TJAP1: variants seen among roughly 807,000 people sequenced by gnomAD.
TJAP1 encodes the protein tight junction-associated protein 1.
A neutral mutation model predicts 42.0 loss-of-function variants in TJAP1; 27 were observed. That is an observed-to-expected ratio of 0.64 (90% confidence interval 0.47 to 0.89). TJAP1 has a LOEUF of 0.89. Ranked by LOEUF, TJAP1 falls within the 40% of genes least tolerant of loss-of-function variation. The probability of loss-of-function intolerance (pLI) is 0.00; values close to 1 mark genes in which losing one functional copy is unlikely to be tolerated. For synonymous variants in TJAP1, 257 were observed against 288.4 expected, an observed-to-expected ratio of 0.89 and a Z score of 1.10; for missense variants, 712 against 726.9, an observed-to-expected ratio of 0.98 and a Z score of 0.24.
At chr6:43,503,568 C>T in intron 9 of TJAP1, 55 bp from the exon 10 acceptor site, 1 of 1,611,342 alleles carries the variant, frequency 6.2e-7, no homozygotes, top group African/African-American at 1.3e-5. Flanking sequence ...CCTGGCTCGG[C>T]CCTGCTTCCT....
chr6:43,480,023 G>C (rs1015193939), intron 2 of TJAP1, among the ~76,000 whole-genome samples: 3 of 152,070 alleles, frequency 2.0e-5, no homozygotes. Flanking sequence ...TTTGCCATTT[G>C]TAGCTCTGTG....
rs1257239821 is a variant in TJAP1, at chr6:43,495,437, T to A, written c.-121-2444T>A. On this transcript the variant is annotated intron_variant, in intron 2 of 10. Transcript: ENST00000372449. This position sits in a 1 kb window ranked among gnomAD's most constrained non-coding sequence, Gnocchi z 4.6. Reference sequence around the variant, plus strand: ...GATTTCAGAAGTTGGAGCTAGGGCCTGGGTGTTGGGCACACCCTGTGTTTA... The same window carrying A: ...GATTTCAGAAGTTGGAGCTAGGGCCAGGGTGTTGGGCACACCCTGTGTTTA... Among the ~76,000 whole-genome samples, 1 of 152,186 alleles carries A rather than the reference T, an allele frequency of 6.6e-6. No homozygotes were observed. The highest frequency in any genetic ancestry group is 1.5e-5 in the Non-Finnish European group (1 of 68,010).
rs111719725 is a variant in TJAP1, at chr6:43,496,411, C to T, written c.-121-1470C>T. Among the ~76,000 whole-genome samples the T allele has an allele frequency of 4.0e-4, 61 of 152,324 alleles. 1 individual carries two copies. Among genetic ancestry groups the T allele is most frequent in the Middle Eastern group, 3.4e-3 (1 of 294 alleles). ...TTGCTCCCCACACCCCGGGAATGTG[C>T]CGTCCTTTCAGGCCCGCCCACCCGG... is the stretch of plus-strand genomic sequence containing the variant. On this transcript the variant is annotated intron_variant, in intron 2 of 10. Coordinates refer to ENST00000372449, the Ensembl canonical transcript of TJAP1.
At chr6:43,480,524 C>CTT (rs924607917) in intron 2 of TJAP1, among the ~76,000 whole-genome samples, 1 of 147,890 alleles carries the variant, frequency 6.8e-6, no homozygotes, top group African/African-American at 2.5e-5. Context: ...TAATTTTTGA[C>CTT]TTTTTTTTTT....
chr6:43,498,665 G>A (rs1789801942), intron 3 of TJAP1, among the ~76,000 whole-genome samples: 1 of 152,256 alleles, frequency 6.6e-6, no homozygotes, highest in South Asian at 2.1e-4. Flanking sequence ...ACAAAGGAGA[G>A]TGGTAAGGAG....
At chr6:43,482,861 C>T (rs1562238041) in intron 2 of TJAP1, among the ~76,000 whole-genome samples, 3 of 152,026 alleles carry the variant, frequency 2.0e-5, no homozygotes, top group African/African-American at 4.8e-5. Flanking sequence ...TGGTGGCTCA[C>T]GCCTGTAATC....
At chr6:43,503,934 A>G in intron 10 of TJAP1, 1 of 697,778 alleles carries the variant, frequency 1.4e-6, no homozygotes, top group South Asian at 1.5e-5. Flanking sequence ...TTTCTGTAAC[A>G]GAGACAGAGA....
intron 1 of TJAP1, 42 bp downstream of exon 1, chr6:43,477,670 T>C (rs1245979440): frequency 6.7e-6 from 1 of 149,400 alleles, no homozygotes; most frequent in Admixed American, 6.7e-5. Flanking sequence ...GAAGCCAGAG[T>C]TGGGGAGGAT....
exon 11 of TJAP1, chr6:43,506,034 T>A: frequency 2.0e-6 from 1 of 507,410 alleles, no homozygotes; most frequent in Non-Finnish European, 3.2e-6. Context: ...CTGCGTTGAC[T>A]GACTGCAGCA....
intron 9 of TJAP1, 57 bp from the exon 10 acceptor site, chr6:43,503,566 G>C (rs957808185): frequency 2.5e-6 from 4 of 1,610,114 alleles, no homozygotes; most frequent in Non-Finnish European, 2.5e-6. Flanking sequence ...GTCCTGGCTC[G>C]GCCCTGCTTC....
At chr6:43,504,624 C>A in intron 10 of TJAP1, 137 bp from the exon 11 acceptor site, 1 of 1,103,386 alleles carries the variant, frequency 9.1e-7, no homozygotes, top group Non-Finnish European at 1.3e-6. Context: ...TACACACTGG[C>A]ATGCTGTAAG....
chr6:43,494,981 C>T (rs565681622), intron 2 of TJAP1, among the ~76,000 whole-genome samples: 12 of 152,366 alleles, frequency 7.9e-5, no homozygotes, highest in African/African-American at 2.9e-4. Context: ...TCCTTGGCTG[C>T]CGCTTGCTCA....
intron 4 of TJAP1, 162 bp downstream of exon 4, chr6:43,499,262 G>C: frequency 9.6e-7 from 1 of 1,041,352 alleles, no homozygotes; most frequent in African/African-American, 1.6e-5. Flanking sequence ...TGCAGGTGGG[G>C]GTAATGTAGG....
rs1460624470 is a variant in TJAP1, at chr6:43,495,037, G to A, written c.-121-2844G>A. Among the ~76,000 whole-genome samples the A allele has an allele frequency of 6.6e-6, 1 of 152,208 alleles. No individual in the cohort carries two copies. Among genetic ancestry groups the A allele is most frequent in the East Asian group, 1.9e-4 (1 of 5,196 alleles). ...TGAGCTGTCCAGCTGCTCTCCTTAGGGACCTTTTCTTCCCCACATGGGATT... is the reference window on the plus strand; with the variant it reads ...TGAGCTGTCCAGCTGCTCTCCTTAGAGACCTTTTCTTCCCCACATGGGATT... On this transcript the variant is annotated intron_variant, in intron 2 of 10. Transcript: ENST00000372449. This position sits in a 1 kb window ranked among gnomAD's most constrained non-coding sequence, Gnocchi z 4.6.
exon 11 of TJAP1, chr6:43,504,808 T>A (rs1218317847): frequency 6.2e-7 from 1 of 1,614,200 alleles, no homozygotes; most frequent in South Asian, 1.1e-5. Flanking sequence ...TGCACAGTGG[T>A]CAAGAGGCCG....
At chr6:43,502,715 G>A in intron 8 of TJAP1, 98 bp downstream of exon 8, 1 of 1,306,076 alleles carries the variant, frequency 7.7e-7, no homozygotes, top group Non-Finnish European at 1.1e-6. Flanking sequence ...TGCCCCTTGA[G>A]TACACCCGCT....
At chr6:43,489,420 A>G (rs1009249869) in intron 2 of TJAP1, among the ~76,000 whole-genome samples, 3 of 152,172 alleles carry the variant, frequency 2.0e-5, no homozygotes, top group Admixed American at 6.5e-5. Flanking sequence ...ACACTGCCCC[A>G]TTGTACTGTG....
Position 43,487,304 on chromosome 6 carries a change from A to G in TJAP1, c.-122+9072A>G, listed in dbSNP as rs556602150. Reference sequence around the variant, plus strand: ...ACCCTGGACTTCTACTCAGCTAACCAATAGGATAAAACTCTGCTTATCATT... The same window carrying G: ...ACCCTGGACTTCTACTCAGCTAACCGATAGGATAAAACTCTGCTTATCATT... On this transcript the variant is annotated intron_variant, in intron 2 of 10. Transcript: ENST00000372449. Among the ~76,000 whole-genome samples the G allele has an allele frequency of 3.3e-4, 50 of 152,322 alleles. 1 individual carries two copies. The South Asian group carries it at 7.5e-3, about 23-fold the overall frequency.
At chr6:43,504,649 G>A in intron 10 of TJAP1, 112 bp from the exon 11 acceptor site, 2 of 1,331,124 alleles carry the variant, frequency 1.5e-6, no homozygotes, top group Admixed American at 2.0e-5. Flanking sequence ...GGAGATAGCA[G>A]AGTGCTGAGT....
Sources: allele counts gnomAD v4.1 joint callset (sites outside exome capture counted in the v4.1 genomes callset), GRCh38; gene constraint gnomAD v4.1.1; non-coding constraint Gnocchi (gnomAD v3.1); transcripts MANE v1.5; gene names NCBI Gene and HGNC (gene_info 2026-07-23, HGNC 2026-07-21).